The following DISP1 variants were observed in gnomAD, a reference collection of about 807,000 sequenced individuals.
The protein encoded by DISP1 is protein dispatched homolog 1.
A neutral mutation model predicts 37.3 loss-of-function variants in DISP1; 30 were observed. The ratio of observed to expected loss-of-function variants is 0.80; its 90% confidence interval spans 0.60 to 1.09. The LOEUF (loss-of-function observed/expected upper bound fraction) is 1.09, where lower values mean the gene tolerates loss of function less well. DISP1 is among the 50% of genes least tolerant of loss of function. DISP1 has a pLI of 0.00. For missense variants in DISP1, 1,598 were observed against 1,879.5 expected (o/e 0.85, Z 2.77); for synonymous variants, 634 against 690.2 (o/e 0.92, Z 1.28).
intron 3 of DISP1, among the ~76,000 whole-genome samples, chr1:222,963,004 G>A (rs148830264): frequency 0.018 from 2,681 of 152,218 alleles, 75 homozygotes; most frequent in African/African-American, 0.062. Context: ...CCTACAGAAT[G>A]GGAGAAAATT....
At chr1:222,885,431 C>T (rs1670535332) in intron 1 of DISP1, among the ~76,000 whole-genome samples, 1 of 151,628 alleles carries the variant, frequency 6.6e-6, no homozygotes, top group African/African-American at 2.4e-5. Flanking sequence ...ATTTTCCCAG[C>T]ACCCACCCTA....
chr1:222,990,783 C>A (rs1678647134), intron 5 of DISP1, 35 bp downstream of exon 5: 4 of 1,612,344 alleles, frequency 2.5e-6, no homozygotes, highest in Non-Finnish European at 2.5e-6. Flanking sequence ...AGCCTAAAAT[C>A]ATCTCCAAAT....
At chr1:222,956,446 G>T (rs1159501746) in intron 3 of DISP1, among the ~76,000 whole-genome samples, 1 of 152,108 alleles carries the variant, frequency 6.6e-6, no homozygotes, top group Non-Finnish European at 1.5e-5. Context: ...AACTAGTAAG[G>T]TTATATATTC....
chr1:222,961,689 C>T (rs982961755), intron 3 of DISP1, among the ~76,000 whole-genome samples: 7 of 152,154 alleles, frequency 4.6e-5, no homozygotes, highest in Non-Finnish European at 1.0e-4. Flanking sequence ...TATCTGTTTG[C>T]AGACAATATG....
At chr1:222,843,379 G>A (rs1024841035) in intron 1 of DISP1, among the ~76,000 whole-genome samples, 1 of 151,794 alleles carries the variant, frequency 6.6e-6, no homozygotes, top group Non-Finnish European at 1.5e-5. Context: ...AAAAGTTTTA[G>A]CTTTTATTAC....
chr1:222,971,410 G>GTT (rs66907723), intron 3 of DISP1, among the ~76,000 whole-genome samples: 57 of 147,526 alleles, frequency 3.9e-4, no homozygotes, highest in Non-Finnish European at 4.0e-4. Context: ...CACCCCCCAA[G>GTT]TTTTTTTTTT....
At chr1:222,865,710 T>A (rs1669146430) in intron 1 of DISP1, among the ~76,000 whole-genome samples, 1 of 152,206 alleles carries the variant, frequency 6.6e-6, no homozygotes, top group African/African-American at 2.4e-5. Flanking sequence ...TATCATAGAT[T>A]CCCTGTTCCT....
At chr1:222,973,126 C>T (rs928229670) in intron 3 of DISP1, among the ~76,000 whole-genome samples, 2 of 152,048 alleles carry the variant, frequency 1.3e-5, no homozygotes, top group African/African-American at 4.8e-5. Context: ...CCCCATTCTC[C>T]CCAAATTATG....
intron 1 of DISP1, among the ~76,000 whole-genome samples, chr1:222,926,905 C>T (rs373106789): frequency 6.9e-4 from 105 of 152,212 alleles, no homozygotes; most frequent in African/African-American, 2.4e-3. Flanking sequence ...GAGTGACTCA[C>T]GTTTTTCACC....
At chr1:222,873,473 A>G (rs1453121088) in intron 1 of DISP1, among the ~76,000 whole-genome samples, 2 of 152,088 alleles carry the variant, frequency 1.3e-5, no homozygotes, top group African/African-American at 2.4e-5. Context: ...TTGGGTGCAT[A>G]TATATTTAGG....
chr1:222,984,751 G>GTAAAACTGAAATTCTGTACC (rs1216768643), intron 4 of DISP1, among the ~76,000 whole-genome samples: 74 of 151,638 alleles, frequency 4.9e-4, no homozygotes, highest in African/African-American at 1.6e-3. Flanking sequence ...TTTTTCTGTT[G>GTAAAACTGAAATTCTGTACC]TAAAACTGAA....
chr1:222,833,706 C>T (rs1016759718), intron 1 of DISP1, among the ~76,000 whole-genome samples: 3 of 152,202 alleles, frequency 2.0e-5, no homozygotes, highest in Admixed American at 6.5e-5. Context: ...ATGTTATGCA[C>T]TGAGCTCTAA....
chr1:222,884,961 C>G (rs1456728745), intron 1 of DISP1, among the ~76,000 whole-genome samples: 1 of 152,012 alleles, frequency 6.6e-6, no homozygotes, highest in Admixed American at 6.5e-5. Flanking sequence ...CTCAGCCCCC[C>G]GAGTAGCTAG....
intron 1 of DISP1, among the ~76,000 whole-genome samples, chr1:222,871,898 C>T (rs1411948969): frequency 6.6e-6 from 1 of 152,108 alleles, no homozygotes; most frequent in South Asian, 2.1e-4. Context: ...AGTTTTTGTC[C>T]ATTCAGTATG....
At chr1:222,940,173 A>G (rs1213087843) in intron 2 of DISP1, among the ~76,000 whole-genome samples, 1 of 152,128 alleles carries the variant, frequency 6.6e-6, no homozygotes, top group East Asian at 1.9e-4. Context: ...TGGGTAATTT[A>G]TAAAGAAAAG....
chr1:222,837,128 CG>C (rs772564498), intron 1 of DISP1: 8 of 398,336 alleles, frequency 2.0e-5, no homozygotes, highest in Non-Finnish European at 3.5e-5. Flanking sequence ...GGAAGAGATG[CG>C]GGCAACTTTT....
intron 1 of DISP1, among the ~76,000 whole-genome samples, chr1:222,834,233 A>C (rs2378614): frequency 0.022 from 3,379 of 152,216 alleles, 153 homozygotes; most frequent in African/African-American, 0.077. Flanking sequence ...CGTCTTCAAA[A>C]GAAAAAAAAA....
Position 222,942,217 on chromosome 1 carries a change from T to C in DISP1, c.-17-590T>C, listed in dbSNP as rs143719177. On this transcript the variant is annotated intron_variant, in intron 2 of 8. Transcript: ENST00000675850. ...TTATATAGAATTTTGCATCTGATAT[T>C]TTGGTTGCTAGAATTCTTAGCTTTC... Among the ~76,000 whole-genome samples, 620 of 152,310 alleles carry C rather than the reference T, an allele frequency of 4.1e-3. 12 individuals carry two copies. The highest frequency in any genetic ancestry group is 0.017 in the Admixed American group (255 of 15,300).
intron 2 of DISP1, among the ~76,000 whole-genome samples, chr1:222,939,844 G>C (rs1381142439): frequency 2.0e-5 from 3 of 150,180 alleles, no homozygotes; most frequent in Non-Finnish European, 4.4e-5. Flanking sequence ...AAAAAAAAAA[G>C]GCCGGGCGCA....
Sources: gnomAD v4.1 joint callset for allele counts (sites outside exome capture counted in the v4.1 genomes callset) on GRCh38, gnomAD v4.1.1 for gene constraint, MANE v1.5 for transcripts, NCBI Gene and HGNC (gene_info 2026-07-23, HGNC 2026-07-21) for gene names.